AKAP3: variants seen among roughly 807,000 people sequenced by gnomAD.
AKAP3 encodes A-kinase anchor protein 3.
AKAP3 carries 27 observed loss-of-function variants against 57.2 expected under a neutral mutation model. The ratio of observed to expected loss-of-function variants is 0.47; its 90% CI spans 0.35 to 0.65. The LOEUF (loss-of-function observed/expected upper bound fraction) is 0.65. Among genes scored for constraint, AKAP3 ranks in the 30% least tolerant of loss-of-function variants. The pLI is 0.01. For synonymous variants in AKAP3, 334 were observed against 392.3 expected, an observed-to-expected ratio of 0.85 and a Z score of 1.76; for missense variants, 959 against 1,040.0, an observed-to-expected ratio of 0.92 and a Z score of 1.07.
intron 3 of AKAP3, among the ~76,000 whole-genome samples, chr12:4,641,217 A>G (rs988090680): frequency 6.6e-6 from 1 of 151,938 alleles, no homozygotes; most frequent in Admixed American, 6.6e-5. Flanking sequence ...ATTCCTTTAG[A>G]TATTCCAGCC....
chr12:4,616,143 A>G (rs1381338153), intron 5 of AKAP3, among the ~76,000 whole-genome samples: 1 of 152,210 alleles, frequency 6.6e-6, no homozygotes, highest in African/African-American at 2.4e-5. Context: ...TCACCCTAAT[A>G]TCATAAAAGT....
In AKAP3 at chr12:4,625,448, C is replaced by T. The variant is rs76033836; in HGVS notation, c.2406+1048G>A. ...TAGCCTAATCTGGATGCTCTGTAATCGTGTGTTTTCCCAGTCATCAGATAA... is the reference window on the plus strand; with the variant it reads ...TAGCCTAATCTGGATGCTCTGTAATTGTGTGTTTTCCCAGTCATCAGATAA... On this transcript the variant is annotated intron_variant, in intron 5 of 5. Transcript: ENST00000228850. This position sits in a 1 kb window ranked among gnomAD's most constrained non-coding sequence, Gnocchi z 5.4. Among the ~76,000 whole-genome samples the T allele has an allele frequency of 5.3e-5, 8 of 152,154 alleles. No individual in the cohort carries two copies. Among genetic ancestry groups the T allele is most frequent in the Non-Finnish European group, 8.8e-5 (6 of 68,018 alleles).
At chr12:4,621,374 C>T (rs1409500285) in intron 5 of AKAP3, among the ~76,000 whole-genome samples, 4 of 152,170 alleles carry the variant, frequency 2.6e-5, no homozygotes, top group Non-Finnish European at 5.9e-5. Context: ...CCTAGGCCTT[C>T]GCATTCACTC....
intron 5 of AKAP3, among the ~76,000 whole-genome samples, chr12:4,619,069 C>T (rs1315859174): frequency 1.3e-5 from 2 of 152,156 alleles, no homozygotes; most frequent in Non-Finnish European, 2.9e-5. Flanking sequence ...AACGGAATAA[C>T]GTGCTCAATA....
chr12:4,638,277 TA>T, intron 3 of AKAP3, 81 bp from the exon 4 acceptor site: 1 of 985,792 alleles, frequency 1.0e-6, no homozygotes, highest in African/African-American at 1.6e-5. Context: ...GGTAAAGGGC[TA>T]AAGCACGGGA....
Position 4,636,389 on chromosome 12 carries a change from A to G in AKAP3, c.96+1712T>C, listed in dbSNP as rs80082834. 8.4e-3 allele frequency among the ~76,000 whole-genome samples: 1,280 copies of G among 152,248 alleles called. 9 individuals are homozygous for G. Among genetic ancestry groups the G allele is most frequent in the African/African-American group, 0.022 (931 of 41,546 alleles). ...TACCCTCACCGACATTTCTACTTTG[A>G]TATGTGTACTTTTTATTTTCCAAAA... On this transcript the variant is annotated intron_variant, in intron 4 of 5. Transcript: ENST00000228850.
chr12:4,630,837 A>G (rs991395331), intron 4 of AKAP3, among the ~76,000 whole-genome samples: 11 of 152,200 alleles, frequency 7.2e-5, no homozygotes, highest in African/African-American at 2.7e-4. Flanking sequence ...GTTCACTTCA[A>G]TATTTCCAAG....
intron 4 of AKAP3, chr12:4,635,939 G>T: frequency 3.3e-6 from 3 of 910,704 alleles, no homozygotes; most frequent in Admixed American, 1.8e-5. Flanking sequence ...CTAGCAGTTG[G>T]TTTTCTTTTT....
At position 4,615,626 on chromosome 12, in the gene AKAP3, A is replaced by C; in HGVS notation, c.*113T>G. 7.5e-7 allele frequency: 1 copy of C among 1,329,344 alleles called. No individual in the cohort carries two copies. Among genetic ancestry groups the C allele is most frequent in the Non-Finnish European group, 1.0e-6 (1 of 970,534 alleles). The allele number at this position is 1,329,344 out of a possible 1,614,324, so 82.3% of individuals were successfully genotyped here. On this transcript the variant is annotated 3_prime_UTR_variant, in exon 6 of 6. Transcript: ENST00000228850. Reference sequence around the variant, plus strand: ...TGTCTTTGATGAGAGTGGTGTGAAGATAATGTTAGGGCTCTGTGAGGATAT... The same window carrying C: ...TGTCTTTGATGAGAGTGGTGTGAAGCTAATGTTAGGGCTCTGTGAGGATAT...
intron 4 of AKAP3, 56 bp downstream of exon 4, chr12:4,638,045 C>CATT: frequency 3.6e-6 from 5 of 1,402,980 alleles, no homozygotes; most frequent in Non-Finnish European, 5.1e-6. Context: ...TAAGGCTACT[C>CATT]TTAATGACAG....
intron 4 of AKAP3, 138 bp from the exon 5 acceptor site, chr12:4,628,943 T>A: frequency 1.3e-6 from 1 of 783,366 alleles, no homozygotes; most frequent in Non-Finnish European, 2.0e-6. Context: ...AACCATTTAT[T>A]AAGTACTCAC....
In AKAP3 at chr12:4,626,928, G is replaced by A; in HGVS notation, c.1974C>T (p.Val658=). The A allele has an allele frequency of 6.2e-7, 1 of 1,613,990 alleles. No homozygotes were observed. The highest frequency in any genetic ancestry group is 2.2e-5 in the East Asian group (1 of 44,882). Residue 658 remains valine (V), a synonymous_variant, in exon 5 of 6, where the codon GTC becomes GTT. Coordinates refer to ENST00000228850, the MANE Select transcript of AKAP3 (RefSeq NM_001278309.2). ...CACTCATGTGGCCATCTATCTGGCT[G>A]ACAGCCATCTTGGTCAGCCCAGAAA... ...GALSGLTKMA[V]SQIDGHMSGQ...
chr12:4,635,702 G>A, intron 4 of AKAP3: 2 of 712,094 alleles, frequency 2.8e-6, no homozygotes, highest in Non-Finnish European at 2.6e-6. Context: ...TACAGCTATG[G>A]CTGCTTGTGC....
At position 4,631,466 on chromosome 12, in the gene AKAP3, G is replaced by A. The variant is rs914909005; in HGVS notation, c.97-2661C>T. On this transcript the variant is annotated intron_variant, in intron 4 of 5. Coordinates refer to ENST00000228850, the MANE Select transcript of AKAP3 (RefSeq NM_001278309.2). ...GAAGCTATAAACTGTCTCTATCAGTGTCTGTATCACTATGTGTCTGTAATT... is the reference window on the plus strand; with the variant it reads ...GAAGCTATAAACTGTCTCTATCAGTATCTGTATCACTATGTGTCTGTAATT... 8.0e-5 allele frequency: 51 copies of A among 638,518 alleles called. No individual in the cohort carries two copies. In the Admixed American group the frequency reaches 9.3e-4, roughly 12 times the overall value. The allele number at this position is 638,518 out of a possible 1,614,324, so 39.6% of individuals were successfully genotyped here. A position where few individuals can be genotyped will look rare whatever the true frequency, so the allele number is the denominator to read the frequency against.
At chr12:4,617,423 G>A (rs1434753176) in intron 5 of AKAP3, among the ~76,000 whole-genome samples, 2 of 152,218 alleles carry the variant, frequency 1.3e-5, no homozygotes. Flanking sequence ...AAAACTCTCA[G>A]TATAAATAGT....
At chr12:4,641,181 A>T (rs573721086) in intron 3 of AKAP3, among the ~76,000 whole-genome samples, 6 of 142,820 alleles carry the variant, frequency 4.2e-5, no homozygotes, top group African/African-American at 1.5e-4. Context: ...GCTCACCGCA[A>T]CCTCCGCCTT....
At chr12:4,648,289 A>T (rs1364376233) in intron 1 of AKAP3, among the ~76,000 whole-genome samples, 1 of 152,234 alleles carries the variant, frequency 6.6e-6, no homozygotes, top group Non-Finnish European at 1.5e-5. Flanking sequence ...TTCAGATGGC[A>T]CACATGGCCA....
intron 2 of AKAP3, among the ~76,000 whole-genome samples, chr12:4,642,231 A>G (rs1019672809): frequency 2.0e-5 from 3 of 152,180 alleles, no homozygotes; most frequent in Non-Finnish European, 2.9e-5. Flanking sequence ...TTAAATGACT[A>G]TTGTTATTCC....
intron 5 of AKAP3, among the ~76,000 whole-genome samples, chr12:4,621,077 G>C (rs1945341976): frequency 6.6e-6 from 1 of 151,874 alleles, no homozygotes; most frequent in Non-Finnish European, 1.5e-5. Flanking sequence ...TGTGGGCCTA[G>C]GTCAATATGT....
Sources: gnomAD v4.1 joint callset for allele counts (sites outside exome capture counted in the v4.1 genomes callset) on GRCh38, gnomAD v4.1.1 for gene constraint, Gnocchi (gnomAD v3.1) non-coding constraint, MANE v1.5 for transcripts, NCBI Gene and HGNC (gene_info 2026-07-23, HGNC 2026-07-21) for gene names.